Variants in WHRN observed in about 807,000 individuals in gnomAD.
WHRN encodes CASK-interacting protein CIP98.
In WHRN, 41 loss-of-function variants were observed where a neutral mutation model predicts 68.3. That is an observed-to-expected ratio of 0.60 (90% CI 0.47 to 0.78). The LOEUF (loss-of-function observed/expected upper bound fraction) is 0.78, where lower values mean the gene tolerates loss of function less well. Ranked by LOEUF, WHRN falls within the 30% of genes least tolerant of loss-of-function variation. The probability of loss-of-function intolerance (pLI) is 0.00; values close to 1 mark genes in which losing one functional copy is unlikely to be tolerated. For missense variants in WHRN, 1,243 were observed against 1,244.7 expected (o/e 1.00, Z 0.02); for synonymous variants, 560 against 561.3 (o/e 1.00, Z 0.03).
chr9:114,484,128 A>G (rs1842303958), intron 1 of WHRN, among the ~76,000 whole-genome samples: 1 of 152,216 alleles, frequency 6.6e-6, no homozygotes, highest in East Asian at 1.9e-4. Flanking sequence ...GGAGCATCTC[A>G]GTTATGGCAG....
rs1315553875 is a variant in WHRN at position 114,402,630 on chromosome 9, G to T, written c.*124C>A. On this transcript the variant is annotated 3_prime_UTR_variant, in exon 12 of 12. Coordinates refer to ENST00000362057, the MANE Select transcript of WHRN (RefSeq NM_015404.4). Reference sequence around the variant, plus strand: ...TGGTCCAGTGGGCTGGGATGGAGGGGGGATGTCTTCCTGCCACCCTGGCCA... The same window carrying T: ...TGGTCCAGTGGGCTGGGATGGAGGGTGGATGTCTTCCTGCCACCCTGGCCA... The T allele has an allele frequency of 1.6e-6, 2 of 1,213,224 alleles. No individual in the cohort carries two copies. The highest frequency in any genetic ancestry group is 2.4e-6 in the Non-Finnish European group (2 of 829,398). The allele number at this position is 1,213,224 out of a possible 1,614,324, so 75.2% of individuals were successfully genotyped here.
chr9:114,473,095 C>T (rs1164939452), intron 2 of WHRN, among the ~76,000 whole-genome samples: 1 of 152,198 alleles, frequency 6.6e-6, no homozygotes, highest in African/African-American at 2.4e-5. Flanking sequence ...ATGAGCTTGG[C>T]GGAGTGGCTG....
Position 114,406,550 on chromosome 9 carries a change from G to A in WHRN, c.2041C>T (p.Pro681Ser), listed in dbSNP as rs764480093. 1 of 1,612,884 alleles carries A rather than the reference G, an allele frequency of 6.2e-7. No homozygotes were observed. The highest frequency in any genetic ancestry group is 1.1e-5 in the South Asian group (1 of 91,030). ...AGGTGCGGGGGTGACTGGACCCGTG[G>A]GAAGGGGCCGATGGGGTGTTGGTTG... is the stretch of plus-strand genomic sequence containing the variant. ...LVNQHPIGPF[P>S]RVQSPPHLKS... The change falls in exon 9 of 12, where the codon CCA becomes TCA. Residue 681 changes from proline (P) to serine (S), a missense_variant. Pro to Ser is a moderately conservative substitution (Grantham distance 74). Transcript: ENST00000362057.
At chr9:114,435,210 G>A (rs1308004570) in intron 3 of WHRN, among the ~76,000 whole-genome samples, 1 of 152,300 alleles carries the variant, frequency 6.6e-6, no homozygotes, top group East Asian at 1.9e-4. Context: ...TTCAAAGTCA[G>A]TGCGCTGCAC....
chr9:114,487,359 C>T (rs927963266), intron 1 of WHRN, among the ~76,000 whole-genome samples: 1 of 149,618 alleles, frequency 6.7e-6, no homozygotes, highest in Non-Finnish European at 1.5e-5. Context: ...TATACATATA[C>T]AAGCTTATCA....
At chr9:114,504,093 T>A in intron 1 of WHRN, 91 bp downstream of exon 1, 1 of 1,572,432 alleles carries the variant, frequency 6.4e-7, no homozygotes. Context: ...GCCAAGTGAT[T>A]CATCTAAGGA....
chr9:114,473,108 T>C (rs151114138), intron 2 of WHRN, among the ~76,000 whole-genome samples: 2 of 152,366 alleles, frequency 1.3e-5, no homozygotes, highest in East Asian at 3.9e-4. Flanking sequence ...AGTGGCTGCT[T>C]CTGCTGCAGC....
rs1378323827 is a variant in WHRN, at chr9:114,504,279, A to T, written c.523T>A (p.Ser175Thr). Reference sequence around the variant, plus strand: ...CGCAGTCCTTCCTTCTCAGCTAGAGAGCCTGGTTCCACCAGAGACACGTAG... The same window carrying T: ...CGCAGTCCTTCCTTCTCAGCTAGAGTGCCTGGTTCCACCAGAGACACGTAG... ...GIYVSLVEPG[S>T]LAEKEGLRVG... Residue 175 changes from serine (S) to threonine (T), a missense_variant, in exon 1 of 12, where the codon TCT (serine) becomes ACT (threonine). By Grantham distance (58) the Ser-to-Thr change is moderately conservative. Transcript: ENST00000362057. 6 of 1,614,000 alleles carry T rather than the reference A, an allele frequency of 3.7e-6. No homozygotes were observed. Among genetic ancestry groups the T allele is most frequent in the African/African-American group, 1.3e-5 (1 of 75,028 alleles).
chr9:114,403,988 G>T lies in WHRN; in HGVS notation c.2326C>A (p.Pro776Thr). ...VDAGEAEASA[P>T]GRGRQSVSTK... ...GACACCGACTGCCTTCCTCGGCCTG[G>T]GGCGCTGGCCTCTGCCTCGCCAGCA... Residue 776 changes from proline to threonine, a missense_variant, in exon 10 of 12, where the codon CCA (proline) becomes ACA (threonine). By Grantham distance (38) the Pro-to-Thr change is conservative. Coordinates refer to ENST00000362057, the MANE Select transcript of WHRN (RefSeq NM_015404.4). The T allele has an allele frequency of 6.2e-7, 1 of 1,612,628 alleles. No homozygotes were observed.
At chr9:114,428,806 C>T (rs779480706) in intron 3 of WHRN, among the ~76,000 whole-genome samples, 17 of 152,010 alleles carry the variant, frequency 1.1e-4, no homozygotes, top group Non-Finnish European at 2.4e-4. Context: ...CAGCAAATCC[C>T]GTCCTCCACC....
chr9:114,443,061 C>T (rs1838516923), intron 3 of WHRN, among the ~76,000 whole-genome samples: 1 of 152,140 alleles, frequency 6.6e-6, no homozygotes, highest in South Asian at 2.1e-4. Context: ...AAGAAATTGA[C>T]CTGCTCTTCC....
intron 1 of WHRN, among the ~76,000 whole-genome samples, chr9:114,484,204 G>C (rs1346777891): frequency 3.3e-5 from 5 of 152,194 alleles, no homozygotes; most frequent in Non-Finnish European, 5.9e-5. Context: ...GAAGGCCAGA[G>C]GGCTGCCCCT....
intron 3 of WHRN, among the ~76,000 whole-genome samples, chr9:114,458,971 T>C (rs1006479136): frequency 6.6e-6 from 1 of 152,172 alleles, no homozygotes; most frequent in African/African-American, 2.4e-5. Context: ...ATGAGTAAAC[T>C]GAAGCTCAGA....
At position 114,504,667 on chromosome 9, in the gene WHRN, C is replaced by A. The variant is rs1266922136; in HGVS notation, c.135G>T (p.Ala45=). 6.2e-7 allele frequency: 1 copy of A among 1,603,420 alleles called. No homozygotes were observed. Among genetic ancestry groups the A allele is most frequent in the Admixed American group, 1.7e-5 (1 of 59,712 alleles). The change falls in exon 1 of 12, where the codon GCG becomes GCT. Residue 45 remains alanine (A), a synonymous_variant. Coordinates refer to ENST00000362057, the MANE Select transcript of WHRN (RefSeq NM_015404.4). ...LSANVRQLHQ[A]LTALLSEAER... ...CCGCCTCGCTCAGCAGCGCGGTCAG[C>A]GCTTGGTGCAGCTGGCGCACGTTGG...
chr9:114,413,508 G>T (rs1314284852), intron 7 of WHRN, among the ~76,000 whole-genome samples: 2 of 152,196 alleles, frequency 1.3e-5, no homozygotes, highest in Non-Finnish European at 2.9e-5. Flanking sequence ...AGATTTGTGG[G>T]ACAAGACCCT....
At chr9:114,490,802 T>A (rs1842913191) in intron 1 of WHRN, among the ~76,000 whole-genome samples, 2 of 152,216 alleles carry the variant, frequency 1.3e-5, no homozygotes, top group South Asian at 4.1e-4. Flanking sequence ...GGAATAATGC[T>A]ACAAGAAATT....
intron 7 of WHRN, 92 bp downstream of exon 7, chr9:114,423,219 GTGC>G: frequency 7.7e-7 from 1 of 1,300,166 alleles, no homozygotes; most frequent in Non-Finnish European, 1.1e-6. Flanking sequence ...GTAAGTGGTG[GTGC>G]TGGGATTCGA....
At chr9:114,446,733 A>G (rs1589153077) in intron 3 of WHRN, among the ~76,000 whole-genome samples, 1 of 152,156 alleles carries the variant, frequency 6.6e-6, no homozygotes, top group Non-Finnish European at 1.5e-5. Flanking sequence ...TGGACATCCC[A>G]AACTCTGAAA....
At position 114,417,729 on chromosome 9, in the gene WHRN, G is replaced by A. The variant is rs189739915; in HGVS notation, c.1626+5585C>T. Among the ~76,000 whole-genome samples, 28 of 152,308 alleles carry A rather than the reference G, an allele frequency of 1.8e-4. 1 individual carries two copies. Among genetic ancestry groups the A allele is most frequent in the African/African-American group, 6.7e-4 (28 of 41,554 alleles). On this transcript the variant is annotated intron_variant, in intron 7 of 11. Transcript: ENST00000362057. ...TATGTGGTGTTGTAGACCACACAGC[G>A]GCACTTAGTGGTGAATAAAGGTGAT...
Sources: allele counts gnomAD v4.1 joint callset (sites outside exome capture counted in the v4.1 genomes callset), GRCh38; gene constraint gnomAD v4.1.1; transcripts MANE v1.5; gene names NCBI Gene and HGNC (gene_info 2026-07-23, HGNC 2026-07-21).